FRMD3: variants seen among roughly 807,000 people sequenced by gnomAD.
FRMD3 encodes the protein FERM domain containing 3.
In FRMD3, 33 loss-of-function variants were observed where a neutral mutation model predicts 70.2. That is an observed-to-expected ratio of 0.47 (90% CI 0.36 to 0.63). The LOEUF (loss-of-function observed/expected upper bound fraction) is 0.63, where lower values mean the gene tolerates loss of function less well. Among genes scored for constraint, FRMD3 ranks in the 20% least tolerant of loss-of-function variants. FRMD3 has a pLI of 0.00. For synonymous variants in FRMD3, 279 were observed against 255.9 expected (o/e 1.09, Z -0.86); for missense variants, 632 against 711.4 (o/e 0.89, Z 1.27).
intron 13 of FRMD3, chr9:83,267,040 G>T: frequency 6.4e-7 from 1 of 1,550,980 alleles, no homozygotes; most frequent in African/African-American, 1.4e-5. Context: ...CCTTGGAGCC[G>T]AGTCTCAGCA....
At position 83,521,093 on chromosome 9, in the gene FRMD3, C is replaced by A. The variant is rs373013870; in HGVS notation, c.147+16992G>T. 8.1e-5 allele frequency among the ~76,000 whole-genome samples: 12 copies of A among 148,358 alleles called. No individual in the cohort carries two copies. The East Asian group carries it at 1.4e-3, about 17-fold the overall frequency. Reference sequence around the variant, plus strand: ...GATGGAGGTTGCAGTGAGCCGAGATCACACCACTGCACTCTAGTCTGGGTG... The same window carrying A: ...GATGGAGGTTGCAGTGAGCCGAGATAACACCACTGCACTCTAGTCTGGGTG... On this transcript the variant is annotated intron_variant, in intron 1 of 13. Transcript: ENST00000304195.
intron 1 of FRMD3, among the ~76,000 whole-genome samples, chr9:83,394,721 AC>A (rs1410854764): frequency 6.6e-6 from 1 of 152,038 alleles, no homozygotes; most frequent in Admixed American, 6.6e-5. Context: ...GGTTGGATTT[AC>A]CCCTTTACAC....
intron 5 of FRMD3, among the ~76,000 whole-genome samples, chr9:83,337,260 C>A (rs560617131): frequency 8.5e-5 from 13 of 152,216 alleles, no homozygotes; most frequent in African/African-American, 3.1e-4. Context: ...TCTACGTTTC[C>A]CCACCTGTCA....
intron 13 of FRMD3, among the ~76,000 whole-genome samples, chr9:83,250,580 G>T (rs1484037757): frequency 3.3e-5 from 5 of 152,226 alleles, no homozygotes; most frequent in African/African-American, 4.8e-5. Context: ...AATGGCAGTA[G>T]GTTGGAGTCT....
chr9:83,367,409 C>T (rs1390290687), intron 3 of FRMD3, among the ~76,000 whole-genome samples: 2 of 152,154 alleles, frequency 1.3e-5, no homozygotes, highest in African/African-American at 4.8e-5. Flanking sequence ...TCCCTGAATG[C>T]AGCTATAAAA....
At chr9:83,361,119 G>T (rs1266183952) in intron 3 of FRMD3, among the ~76,000 whole-genome samples, 1 of 152,196 alleles carries the variant, frequency 6.6e-6, no homozygotes, top group Non-Finnish European at 1.5e-5. Context: ...AGAAGCTTTG[G>T]AAGAAGAAAA....
intron 6 of FRMD3, among the ~76,000 whole-genome samples, chr9:83,318,501 A>G (rs1393704853): frequency 3.3e-5 from 5 of 151,906 alleles, no homozygotes; most frequent in African/African-American, 1.2e-4. Context: ...GTGTGTGTAT[A>G]TATATATATC....
intron 1 of FRMD3, among the ~76,000 whole-genome samples, chr9:83,460,940 G>GA (rs201984309): frequency 6.8e-4 from 99 of 145,694 alleles, no homozygotes; most frequent in African/African-American, 7.7e-4. Context: ...GAGGCAGCAG[G>GA]AAAAAAAAAA....
chr9:83,337,020 T>C (rs1823602874), intron 5 of FRMD3, among the ~76,000 whole-genome samples: 1 of 152,088 alleles, frequency 6.6e-6, no homozygotes, highest in Non-Finnish European at 1.5e-5. Flanking sequence ...TTTTGTTGTA[T>C]AGGCCCTAAT....
the FRMD3 span, among the ~76,000 whole-genome samples, chr9:83,580,279 G>A: frequency 6.6e-6 from 1 of 152,138 alleles, no homozygotes; most frequent in South Asian, 2.1e-4. Context: ...TCTCATTTCT[G>A]GGAACATATT....
chr9:83,315,764 G>A (rs1835544047), intron 6 of FRMD3, among the ~76,000 whole-genome samples: 1 of 152,184 alleles, frequency 6.6e-6, no homozygotes, highest in African/African-American at 2.4e-5. Flanking sequence ...ACATGTATCA[G>A]TAACTTGACT....
At position 83,245,044 on chromosome 9, in the gene FRMD3, C is replaced by A; in HGVS notation, c.*2874G>T. On this transcript the variant is annotated 3_prime_UTR_variant, in exon 14 of 14. Transcript: ENST00000304195. The stretch of plus-strand genomic sequence containing the variant: ...AGTGGCATTTATGGAAAATTTAACC[C>A]TTTCAGGCTGTGGGTTTTACCCACC... 1 of 985,292 alleles carries A rather than the reference C, an allele frequency of 1.0e-6. No individual in the cohort carries two copies. Among genetic ancestry groups the A allele is most frequent in the Non-Finnish European group, 1.2e-6 (1 of 829,870 alleles). 61.0% of individuals were successfully genotyped at this position (985,292 alleles called of 1,614,324 possible).
intron 13 of FRMD3, among the ~76,000 whole-genome samples, chr9:83,282,898 G>A (rs1834023952): frequency 6.6e-6 from 1 of 152,110 alleles, no homozygotes; most frequent in Non-Finnish European, 1.5e-5. Context: ...TGCAAGATAA[G>A]GTGCACTGAG....
At chr9:83,426,506 A>G (rs549625787) in intron 1 of FRMD3, among the ~76,000 whole-genome samples, 8 of 152,376 alleles carry the variant, frequency 5.3e-5, no homozygotes, top group Admixed American at 4.6e-4. Context: ...GCTCTGTGTC[A>G]TCGTGTCTTT....
rs539496689 is a variant in FRMD3, at chr9:83,346,272, A to C, written c.375-2985T>G. Among the ~76,000 whole-genome samples the C allele has an allele frequency of 2.6e-3, 398 of 150,300 alleles. 2 individuals carry two copies. The highest frequency in any genetic ancestry group is 9.2e-3 in the African/African-American group (380 of 41,282). ...CGCCATCTCAAAAAAAAAAAAAAAA[A>C]AAAAAAAGTGCAAACAAGCCAAATG... On this transcript the variant is annotated intron_variant, in intron 4 of 13. Transcript: ENST00000304195.
At chr9:83,284,653 T>G (rs1834115460) in intron 13 of FRMD3, among the ~76,000 whole-genome samples, 1 of 152,184 alleles carries the variant, frequency 6.6e-6, no homozygotes, top group South Asian at 2.1e-4. Context: ...CTAATGCATA[T>G]GTCCTGACAC....
At chr9:83,319,433 A>G (rs1461017470) in intron 6 of FRMD3, among the ~76,000 whole-genome samples, 1 of 151,960 alleles carries the variant, frequency 6.6e-6, no homozygotes, top group African/African-American at 2.4e-5. Flanking sequence ...TTATTTATTT[A>G]TTTATTTAAA....
rs544281757 is a variant in FRMD3 at position 83,335,762 on chromosome 9, G to A, written c.473-123C>T. The A allele has an allele frequency of 8.0e-5, 59 of 741,380 alleles. 1 individual carries two copies. The East Asian group carries it at 1.5e-3, about 19-fold the overall frequency. 45.9% of individuals were successfully genotyped at this position (741,380 alleles called of 1,614,324 possible). A position where few individuals can be genotyped will look rare whatever the true frequency, so the allele number is the denominator to read the frequency against. ...CTGGAATAAACTCACCCAAAAATAT[G>A]TATCTGTACCCAGAGAAAGCCTGAG... On this transcript the variant is annotated intron_variant, in intron 5 of 13. Coordinates refer to ENST00000304195, the MANE Select transcript of FRMD3 (RefSeq NM_174938.6).
chr9:83,463,433 C>T (rs986102711), intron 1 of FRMD3, among the ~76,000 whole-genome samples: 2 of 152,152 alleles, frequency 1.3e-5, no homozygotes, highest in Non-Finnish European at 2.9e-5. Context: ...ACACATCCTT[C>T]TTCACATAGT....
Sources: allele counts gnomAD v4.1 joint callset (sites outside exome capture counted in the v4.1 genomes callset), GRCh38; gene constraint gnomAD v4.1.1; transcripts MANE v1.5; gene names NCBI Gene and HGNC (gene_info 2026-07-23, HGNC 2026-07-21).